The following THADA variants were observed in gnomAD, a reference collection of about 807,000 sequenced individuals.
THADA encodes the protein THADA armadillo repeat containing.
A neutral mutation model predicts 219.8 loss-of-function variants in THADA; 213 were observed. The ratio of observed to expected loss-of-function variants is 0.97; its 90% CI spans 0.87 to 1.09. The LOEUF (loss-of-function observed/expected upper bound fraction) is 1.09, where lower values mean the gene tolerates loss of function less well. Among genes scored for constraint, THADA ranks in the 50% least tolerant of loss-of-function variants. The pLI, the probability that THADA is intolerant of heterozygous loss-of-function variation, is 0.00. For synonymous variants in THADA, 1,018 were observed against 828.9 expected (o/e 1.23, Z -3.92); for missense variants, 2,956 against 2,311.3 (o/e 1.28, Z -5.72).
chr2:43,474,570 AG>A (rs1371698526), intron 26 of THADA, among the ~76,000 whole-genome samples: 2 of 152,218 alleles, frequency 1.3e-5, no homozygotes, highest in Non-Finnish European at 2.9e-5. Flanking sequence ...TGAATGATGA[AG>A]AAAAAAAATG....
intron 23 of THADA, 73 bp downstream of exon 23, chr2:43,508,575 G>A (rs918996180): frequency 8.2e-6 from 12 of 1,470,954 alleles, no homozygotes; most frequent in Admixed American, 6.2e-5. Flanking sequence ...TCACTCACAC[G>A]TCAAACAGGT....
intron 27 of THADA, among the ~76,000 whole-genome samples, chr2:43,429,804 T>A (rs369499559): frequency 1.7e-4 from 26 of 151,782 alleles, no homozygotes; most frequent in East Asian, 1.4e-3. Flanking sequence ...AGGTACAAAT[T>A]TACTACAGAG....
chr2:43,360,312 G>T (rs3901678), intron 29 of THADA, among the ~76,000 whole-genome samples: 85,037 of 151,976 alleles, frequency 0.56, 25,158 homozygotes, highest in African/African-American at 0.7. Flanking sequence ...GATTTGATTT[G>T]AAATTTAAGG....
intron 26 of THADA, among the ~76,000 whole-genome samples, chr2:43,450,080 A>G (rs539741118): frequency 1.3e-5 from 2 of 152,346 alleles, no homozygotes; most frequent in Non-Finnish European, 2.9e-5. Flanking sequence ...TTGAAGTCAC[A>G]TGAAAAATAA....
intron 19 of THADA, 23 bp from the exon 20 acceptor site, chr2:43,549,391 C>A: frequency 6.3e-7 from 1 of 1,587,518 alleles, no homozygotes; most frequent in East Asian, 2.3e-5. Flanking sequence ...AATGAGCGTA[C>A]ATGAAACCCA....
At chr2:43,433,788 A>G (rs1406618849) in intron 26 of THADA, among the ~76,000 whole-genome samples, 7 of 152,036 alleles carry the variant, frequency 4.6e-5, no homozygotes, top group Admixed American at 4.6e-4. Context: ...CCTAGGTTCA[A>G]GCAATTCTCG....
chr2:43,333,887 A>C (rs755503501), intron 30 of THADA, among the ~76,000 whole-genome samples: 4 of 152,232 alleles, frequency 2.6e-5, no homozygotes, highest in Non-Finnish European at 5.9e-5. Context: ...AAGGAGCTAA[A>C]GGACAGTGGG....
intron 7 of THADA, among the ~76,000 whole-genome samples, chr2:43,584,017 G>T (rs1439448900): frequency 7.8e-6 from 1 of 129,010 alleles, no homozygotes; most frequent in Non-Finnish European, 1.6e-5. Flanking sequence ...TTGGGTGACA[G>T]AGCCAGAGCT....
At position 43,574,774 on chromosome 2, in the gene THADA, A is replaced by T. The variant is rs1187055969; in HGVS notation, c.1291T>A (p.Phe431Ile). Residue 431 changes from phenylalanine to isoleucine, a missense_variant, in exon 11 of 38, where the codon TTC (phenylalanine) becomes ATC (isoleucine). By Grantham distance (21) the Phe-to-Ile change is conservative (BLOSUM62 0). Transcript: ENST00000405975. ...TCCACAAAGAAAGGATCAGGGACGAAATCTGCACCTTCCACAGTGAGCCGG... is the reference window on the plus strand; with the variant it reads ...TCCACAAAGAAAGGATCAGGGACGATATCTGCACCTTCCACAGTGAGCCGG... ...MHRLTVEGAD[F>I]VPDPFFVELT... 8 of 1,613,934 alleles carry T rather than the reference A, an allele frequency of 5.0e-6. No homozygotes were observed. The South Asian group carries it at 5.5e-5, about 11-fold the overall frequency.
chr2:43,595,322 G>C (rs987717965), intron 1 of THADA, among the ~76,000 whole-genome samples: 1 of 152,144 alleles, frequency 6.6e-6, no homozygotes, highest in African/African-American at 2.4e-5. Flanking sequence ...GGAAAGTGTC[G>C]ACAACAGAAT....
intron 1 of THADA, chr2:43,595,704 T>C (rs879937012): frequency 1.3e-5 from 2 of 152,340 alleles, no homozygotes; most frequent in African/African-American, 2.4e-5. Context: ...CCCACAAACA[T>C]TCTCTGGGCG....
intron 26 of THADA, among the ~76,000 whole-genome samples, chr2:43,449,233 T>C (rs996585174): frequency 5.3e-5 from 8 of 151,784 alleles, no homozygotes; most frequent in African/African-American, 1.9e-4. Flanking sequence ...GTAAAGGAAA[T>C]AATCAATGAA....
At chr2:43,320,188 G>A (rs1430290551) in intron 31 of THADA, among the ~76,000 whole-genome samples, 1 of 152,232 alleles carries the variant, frequency 6.6e-6, no homozygotes, top group Non-Finnish European at 1.5e-5. Flanking sequence ...GGTCGTAGAT[G>A]CAGAGAGGGT....
intron 29 of THADA, among the ~76,000 whole-genome samples, chr2:43,372,808 G>C (rs1437668530): frequency 6.6e-6 from 1 of 152,106 alleles, no homozygotes; most frequent in Non-Finnish European, 1.5e-5. Flanking sequence ...ACAGTGCAGT[G>C]GCGCGGTCTC....
chr2:43,290,397 C>T (rs1397201186), intron 34 of THADA, among the ~76,000 whole-genome samples: 1 of 152,012 alleles, frequency 6.6e-6, no homozygotes, highest in Non-Finnish European at 1.5e-5. Flanking sequence ...CGTTTGGCTC[C>T]CTGGCTTGCC....
intron 31 of THADA, among the ~76,000 whole-genome samples, chr2:43,306,613 G>A (rs1203416293): frequency 6.6e-6 from 1 of 152,180 alleles, no homozygotes; most frequent in African/African-American, 2.4e-5. Flanking sequence ...TTGAGGGTCT[G>A]TAGAGTCTGA....
At chr2:43,535,807 G>C (rs545818125) in intron 21 of THADA, among the ~76,000 whole-genome samples, 2 of 150,950 alleles carry the variant, frequency 1.3e-5, no homozygotes, top group South Asian at 4.2e-4. Context: ...TCCATTTTGA[G>C]TTAATTTCTG....
chr2:43,592,231 T>C (rs532617420), intron 2 of THADA, 86 bp downstream of exon 2: 4 of 1,068,350 alleles, frequency 3.7e-6, no homozygotes, highest in East Asian at 5.2e-5. Flanking sequence ...AGAATTTGAA[T>C]ATTATATGCT....
intron 34 of THADA, among the ~76,000 whole-genome samples, chr2:43,290,421 T>A (rs1674559373): frequency 6.6e-6 from 1 of 152,088 alleles, no homozygotes; most frequent in African/African-American, 2.4e-5. Context: ...GAGTGACAGA[T>A]CTAAGGAAAT....
Sources: gnomAD v4.1 joint callset for allele counts (sites outside exome capture counted in the v4.1 genomes callset) on GRCh38, gnomAD v4.1.1 for gene constraint, MANE v1.5 for transcripts, NCBI Gene and HGNC (gene_info 2026-07-23, HGNC 2026-07-21) for gene names.